The following FAM120C variants were observed in gnomAD, a reference collection of about 807,000 sequenced individuals.
FAM120C encodes constitutive coactivator of PPAR-gamma-like protein 2.
Under a neutral mutation model 71.2 loss-of-function variants are expected in FAM120C, and 14 were observed. That is an observed-to-expected ratio of 0.20 (90% confidence interval 0.13 to 0.31). The LOEUF (loss-of-function observed/expected upper bound fraction) is 0.31, where lower values mean the gene tolerates loss of function less well. FAM120C is among the 10% of genes least tolerant of loss of function. The pLI is 1.00. For missense variants in FAM120C, 500 were observed against 879.0 expected, an observed-to-expected ratio of 0.57 and a Z score of 5.45; for synonymous variants, 354 against 353.2, an observed-to-expected ratio of 1.00 and a Z score of -0.03.
intron 1 of FAM120C, among the ~76,000 whole-genome samples, chrX:54,177,205 G>A (rs1320317490): frequency 9.0e-6 from 1 of 111,288 alleles, no homozygotes; most frequent in Non-Finnish European, 1.9e-5. Flanking sequence ...GTTTGGACTC[G>A]GTAGGGTGGG....
At chrX:54,100,018 C>T (rs1557123911) in intron 10 of FAM120C, among the ~76,000 whole-genome samples, 2 of 111,920 alleles carry the variant, frequency 1.8e-5, no homozygotes. Context: ...ATCTCAAAAG[C>T]CCAAACTCTC....
chrX:54,126,424 C>A (rs781816191), intron 9 of FAM120C, among the ~76,000 whole-genome samples: 8 of 111,831 alleles, frequency 7.2e-5, no homozygotes, highest in Non-Finnish European at 1.5e-4. Context: ...GATGCCAAAC[C>A]CACGTATATA....
chrX:54,108,212 T>C (rs1397700754), intron 10 of FAM120C, among the ~76,000 whole-genome samples: 1 of 109,588 alleles, frequency 9.1e-6, no homozygotes, highest in Non-Finnish European at 1.9e-5. Flanking sequence ...ATCAAGTACC[T>C]AGAAATTAAT....
In FAM120C at chrX:54,069,075, C is replaced by T. The variant is rs1557119850; in HGVS notation, c.*3958G>A. The stretch of plus-strand genomic sequence containing the variant: ...TAGCACAGGGGATTTTTTTATTTTG[C>T]TTTTAACTTGGAAAAGATGATTTTG... On this transcript the variant is annotated 3_prime_UTR_variant, in exon 16 of 16. Coordinates refer to ENST00000375180, the MANE Select transcript of FAM120C (RefSeq NM_017848.6). The T allele has an allele frequency of 9.0e-6, 1 of 111,416 alleles. No individual in the cohort carries two copies. Among genetic ancestry groups the T allele is most frequent in the Non-Finnish European group, 1.9e-5 (1 of 53,072 alleles). 9.2% of individuals were successfully genotyped at this position (111,416 alleles called of 1,213,427 possible).
At chrX:54,101,685 T>C (rs782135821) in intron 10 of FAM120C, among the ~76,000 whole-genome samples, 24 of 112,115 alleles carry the variant, frequency 2.1e-4, no homozygotes, top group African/African-American at 7.4e-4. Context: ...ACAAAGCCCT[T>C]GGAGACGGAC....
At chrX:54,078,283 G>A (rs2066747036) in intron 15 of FAM120C, among the ~76,000 whole-genome samples, 1 of 110,745 alleles carries the variant, frequency 9.0e-6, no homozygotes, top group Non-Finnish European at 1.9e-5. Flanking sequence ...AGGCTTTTCA[G>A]ACTGTATGCC....
At chrX:54,092,988 CTT>C (rs782091978) in intron 10 of FAM120C, among the ~76,000 whole-genome samples, 5 of 112,066 alleles carry the variant, frequency 4.5e-5, no homozygotes, top group Non-Finnish European at 9.4e-5. Flanking sequence ...ACTTGACTGA[CTT>C]AATACACAGA....
At chrX:54,181,625 C>T (rs1557137391) in intron 1 of FAM120C, among the ~76,000 whole-genome samples, 1 of 111,469 alleles carries the variant, frequency 9.0e-6, no homozygotes, top group East Asian at 2.8e-4. Flanking sequence ...AAGCAGCCTC[C>T]TCCCAAGCTT....
chrX:54,157,951 C>G (rs1382474535), intron 2 of FAM120C, among the ~76,000 whole-genome samples, 180 bp from the exon 3 acceptor site: 4 of 111,975 alleles, frequency 3.6e-5, no homozygotes, highest in Admixed American at 2.9e-4. Context: ...TTATATGTAT[C>G]ATCTTTATAA....
rs186971254 is a variant in FAM120C, at chrX:54,111,281, C to T, written c.2312+5264G>A. 2.8e-3 allele frequency among the ~76,000 whole-genome samples: 310 copies of T among 110,094 alleles called. 3 individuals are homozygous for T. Among genetic ancestry groups the T allele is most frequent in the African/African-American group, 9.8e-3 (296 of 30,301 alleles). The stretch of plus-strand genomic sequence containing the variant: ...TTCAACATAGTACTGGAAGTCCTAG[C>T]CAAAGCAATCAGGAAAGAGAAAAAA... On this transcript the variant is annotated intron_variant, in intron 10 of 15. Coordinates refer to ENST00000375180, the MANE Select transcript of FAM120C (RefSeq NM_017848.6).
At chrX:54,141,361 A>T (rs1212913485) in intron 4 of FAM120C, among the ~76,000 whole-genome samples, 1 of 111,604 alleles carries the variant, frequency 9.0e-6, no homozygotes, top group Non-Finnish European at 1.9e-5. Flanking sequence ...AATATTCAAA[A>T]ATCAATCTAA....
At chrX:54,135,410 T>TA in intron 6 of FAM120C, 118 bp downstream of exon 6, 1 of 632,667 alleles carries the variant, frequency 1.6e-6, no homozygotes, top group Non-Finnish European at 2.4e-6. Flanking sequence ...GAGAAGGTAA[T>TA]ATAGTATATA....
rs186325180 is a variant in FAM120C, at chrX:54,118,079, T to C, written c.2063-1285A>G. ...TCTCTACTAAAAATACAAAATTAGC[T>C]GGGCATGGTGGTGCATGCCTGTAAT... On this transcript the variant is annotated intron_variant, in intron 9 of 15. Coordinates refer to ENST00000375180, the MANE Select transcript of FAM120C (RefSeq NM_017848.6). Among the ~76,000 whole-genome samples the C allele has an allele frequency of 8.3e-3, 903 of 109,116 alleles. 5 individuals carry two copies. The highest frequency in any genetic ancestry group is 0.013 in the Non-Finnish European group (700 of 52,361). The allele number at this position is 109,116 out of a possible 115,157, so 94.8% of individuals were successfully genotyped here.
intron 3 of FAM120C, among the ~76,000 whole-genome samples, chrX:54,156,315 C>CTT (rs35737980): frequency 7.4e-4 from 21 of 28,404 alleles, no homozygotes; most frequent in East Asian, 1.4e-3. Flanking sequence ...TCACAACAGT[C>CTT]TTTTTTTTTT....
At chrX:54,088,727 A>G (rs958772945) in intron 11 of FAM120C, among the ~76,000 whole-genome samples, 2 of 110,304 alleles carry the variant, frequency 1.8e-5, no homozygotes, top group African/African-American at 3.3e-5. Flanking sequence ...TGTTTCTTGT[A>G]CAGTCTGAAA....
chrX:54,088,082 T>G (rs781985026), intron 11 of FAM120C, 118 bp from the exon 12 acceptor site: 1 of 591,934 alleles, frequency 1.7e-6, no homozygotes, highest in South Asian at 3.0e-5. Context: ...TCATTCAATG[T>G]AGACATCTCA....
At chrX:54,087,290 C>A (rs868981346) in intron 12 of FAM120C, among the ~76,000 whole-genome samples, 1 of 83,376 alleles carries the variant, frequency 1.2e-5, no homozygotes, top group Admixed American at 1.5e-4. Context: ...TCCAGCCTGG[C>A]GACAGAGCAA....
At chrX:54,167,805 A>T (rs868962596) in intron 1 of FAM120C, among the ~76,000 whole-genome samples, 6,252 of 75,973 alleles carry the variant, frequency 0.082, 153 homozygotes, top group African/African-American at 0.26. Flanking sequence ...TCTCTATTTA[A>T]AAAAAAAAAA....
At chrX:54,175,560 G>A (rs933991729) in intron 1 of FAM120C, among the ~76,000 whole-genome samples, 2 of 109,747 alleles carry the variant, frequency 1.8e-5, no homozygotes, top group African/African-American at 6.7e-5. Context: ...CCAGGCTGCA[G>A]TGCATTGGTG....
Sources: allele counts gnomAD v4.1 joint callset (sites outside exome capture counted in the v4.1 genomes callset), GRCh38; gene constraint gnomAD v4.1.1; transcripts MANE v1.5; gene names NCBI Gene and HGNC (gene_info 2026-07-23, HGNC 2026-07-21).